The following XK variants were observed in gnomAD, a reference collection of about 807,000 sequenced individuals.
The protein encoded by XK is X-linked Kx blood group antigen, Kell and VPS13A binding protein, also known as endoplasmic reticulum membrane adapter protein XK.
XK carries 2 observed loss-of-function variants against 14.0 expected under a neutral mutation model. That is an observed-to-expected ratio of 0.14 (90% CI 0.06 to 0.45). The LOEUF is 0.45. XK is among the 20% of genes least tolerant of loss of function. XK has a pLI of 0.98. For missense variants in XK, 235 were observed against 341.5 expected (o/e 0.69, Z 2.46); for synonymous variants, 149 against 147.5 (o/e 1.01, Z -0.08).
chrX:37,707,425 C>T (rs1324384707), intron 2 of XK, among the ~76,000 whole-genome samples: 2 of 104,322 alleles, frequency 1.9e-5, no homozygotes, highest in South Asian at 4.6e-4. Context: ...GGCTGCCGGG[C>T]GCAGGGGCTC....
Position 37,728,150 on chromosome X carries a change from C to T in XK, c.1023C>T (p.Asp341=), listed in dbSNP as rs782637458. ...LLLLWYLFKT[D]IYMYVCAPLL... is the part of the protein sequence containing the mutation. ...TCCTGTGGTATCTTTTCAAGACTGA[C>T]ATCTATATGTATGTGTGCGCACCTC... The change falls in exon 3 of 3, where the codon GAC becomes GAT. Residue 341 remains aspartate (D), a synonymous_variant. Transcript: ENST00000378616. 1.7e-6 allele frequency: 2 copies of T among 1,211,422 alleles called. No individual in the cohort carries two copies. The highest frequency in any genetic ancestry group is 3.5e-5 in the South Asian group (2 of 56,975).
intron 2 of XK, among the ~76,000 whole-genome samples, chrX:37,711,492 A>C (rs1927665424): frequency 8.9e-6 from 1 of 112,638 alleles, no homozygotes; most frequent in African/African-American, 3.2e-5. Context: ...ATAAGACTTC[A>C]GCCTCTCTGT....
At chrX:37,691,360 G>A (rs1305269488) in intron 1 of XK, among the ~76,000 whole-genome samples, 2 of 112,808 alleles carry the variant, frequency 1.8e-5, no homozygotes, top group Non-Finnish European at 3.7e-5. Flanking sequence ...TGAAATGACA[G>A]AAGAGCAGAA....
intron 2 of XK, among the ~76,000 whole-genome samples, chrX:37,717,844 C>T (rs1344941542): frequency 3.6e-5 from 4 of 111,752 alleles, no homozygotes; most frequent in African/African-American, 1.3e-4. Flanking sequence ...ACTAGGGTAT[C>T]ATACTGGTTA....
intron 2 of XK, among the ~76,000 whole-genome samples, chrX:37,712,740 C>T (rs1927691388): frequency 9.0e-6 from 1 of 111,713 alleles, no homozygotes; most frequent in South Asian, 3.7e-4. Context: ...GCACATATGA[C>T]CACTCAATGT....
In XK at chrX:37,686,230, G is replaced by A; in HGVS notation, c.245+24G>A. On this transcript the variant is annotated intron_variant, in intron 1 of 2. Coordinates refer to ENST00000378616, the MANE Select transcript of XK (RefSeq NM_021083.4). ...AGGTGCGTGCAGAAGCCCAGAGCCA[G>A]CCCCAGGCCGCAGCCTCGGTCCTGT... 3 of 1,201,256 alleles carry A rather than the reference G, an allele frequency of 2.5e-6. No individual in the cohort carries two copies. The African/African-American group carries it at 5.2e-5, about 21-fold the overall frequency.
chrX:37,712,038 T>C (rs782810692), intron 2 of XK, among the ~76,000 whole-genome samples: 1 of 111,654 alleles, frequency 9.0e-6, no homozygotes, highest in African/African-American at 3.3e-5. Context: ...CGATAGGGTG[T>C]TTGAATTAGT....
intron 2 of XK, among the ~76,000 whole-genome samples, chrX:37,719,860 T>C (rs1927835226): frequency 9.0e-6 from 1 of 111,074 alleles, no homozygotes; most frequent in East Asian, 2.8e-4. Flanking sequence ...TGCCAGGTAT[T>C]TGTAAGAAAA....
chrX:37,707,161 G>C (rs1472321898), intron 2 of XK, among the ~76,000 whole-genome samples: 4 of 112,533 alleles, frequency 3.6e-5, no homozygotes, highest in East Asian at 2.8e-4. Context: ...CCTCCCAGAC[G>C]GGGTGGTGGC....
chrX:37,685,793 A>G lies in XK; in HGVS notation c.-169A>G. On this transcript the variant is annotated 5_prime_UTR_variant, in exon 1 of 3. Coordinates refer to ENST00000378616, the MANE Select transcript of XK (RefSeq NM_021083.4). ...CCGCCCCCACCAGGTCCAGTTCCAG[A>G]GCCCAGGCCGGTCGGCCGGGCCCGC... The G allele has an allele frequency of 7.2e-6, 2 of 279,065 alleles. No individual in the cohort carries two copies. Among genetic ancestry groups the G allele is most frequent in the Non-Finnish European group, 1.1e-5 (2 of 187,096 alleles). The allele number at this position is 279,065 out of a possible 1,213,427, so 23.0% of individuals were successfully genotyped here.
At chrX:37,686,288 A>T in intron 1 of XK, 82 bp downstream of exon 1, 1 of 1,160,862 alleles carries the variant, frequency 8.6e-7, no homozygotes, top group South Asian at 1.9e-5. Context: ...GAGTGGAGGG[A>T]GGCGGTTTTC....
At chrX:37,694,586 C>A in intron 2 of XK, 38 bp downstream of exon 2, 5 of 1,175,076 alleles carry the variant, frequency 4.3e-6, no homozygotes, top group Non-Finnish European at 5.7e-6. Context: ...ATTTGGGGAT[C>A]AAAATGAGAA....
rs1927068870 is a variant in XK at position 37,686,144 on chromosome X, C to T, written c.183C>T (p.Asp61=). Residue 61 remains aspartate (D), a synonymous_variant, in exon 1 of 3, where the codon GAC becomes GAT. Coordinates refer to ENST00000378616, the MANE Select transcript of XK (RefSeq NM_021083.4). ...VQLTLLFVHR[D]LSRDRPLVLL... is the part of the protein sequence containing the mutation. ...TCACGCTTCTCTTCGTACACCGCGA[C>T]CTCAGCCGCGACCGCCCGCTCGTAC... The T allele has an allele frequency of 8.3e-7, 1 of 1,209,763 alleles. No individual in the cohort carries two copies. The highest frequency in any genetic ancestry group is 1.8e-5 in the South Asian group (1 of 56,405).
chrX:37,688,104 A>G (rs1349787276), intron 1 of XK, among the ~76,000 whole-genome samples: 1 of 86,965 alleles, frequency 1.1e-5, no homozygotes, highest in Non-Finnish European at 2.1e-5. Flanking sequence ...TCTGTCGCCC[A>G]GGCTGGAGTG....
chrX:37,727,256 G>A (rs782258355), intron 2 of XK, among the ~76,000 whole-genome samples: 1 of 111,562 alleles, frequency 9.0e-6, no homozygotes, highest in Admixed American at 9.5e-5. Context: ...ATCACCATGC[G>A]TGACTAGAAG....
At chrX:37,686,483 T>A (rs1569472209) in intron 1 of XK, among the ~76,000 whole-genome samples, 1 of 112,273 alleles carries the variant, frequency 8.9e-6, no homozygotes, top group Non-Finnish European at 1.9e-5. Context: ...AATGGCAGTT[T>A]CTTGTGGTTC....
In XK at chrX:37,728,521, C is replaced by T; in HGVS notation, c.*59C>T. The T allele has an allele frequency of 9.0e-7, 1 of 1,109,765 alleles. No individual in the cohort carries two copies. Among genetic ancestry groups the T allele is most frequent in the Non-Finnish European group, 1.2e-6 (1 of 813,070 alleles). 91.5% of individuals were successfully genotyped at this position (1,109,765 alleles called of 1,213,427 possible). A position where few individuals can be genotyped will look rare whatever the true frequency, so the allele number is the denominator to read the frequency against. On this transcript the variant is annotated 3_prime_UTR_variant, in exon 3 of 3. Transcript: ENST00000378616. ...TTTTCTGGGTTTGATACTCGTTATT[C>T]ATACAAATAATGAGCCCTACACAGG...
chrX:37,704,607 A>G (rs782020312), intron 2 of XK, among the ~76,000 whole-genome samples: 1 of 111,406 alleles, frequency 9.0e-6, no homozygotes, highest in African/African-American at 3.3e-5. Flanking sequence ...AGGCCAAGGC[A>G]GGTGGATAGC....
In XK at chrX:37,728,560, A is replaced by T. The variant is rs1928025493; in HGVS notation, c.*98A>T. Reference sequence around the variant, plus strand: ...GCCCTACACAGGGAACAAGGCAGGAAGTTAGCTGTTAACTCCTTGTGAGCT... The same window carrying T: ...GCCCTACACAGGGAACAAGGCAGGATGTTAGCTGTTAACTCCTTGTGAGCT... On this transcript the variant is annotated 3_prime_UTR_variant, in exon 3 of 3. Transcript: ENST00000378616. 1.1e-6 allele frequency: 1 copy of T among 899,953 alleles called. No homozygotes were observed. Among genetic ancestry groups the T allele is most frequent in the African/African-American group, 1.9e-5 (1 of 51,519 alleles). The allele number at this position is 899,953 out of a possible 1,213,427, so 74.2% of individuals were successfully genotyped here.
Sources: allele counts gnomAD v4.1 joint callset (sites outside exome capture counted in the v4.1 genomes callset), GRCh38; gene constraint gnomAD v4.1.1; transcripts MANE v1.5; gene names NCBI Gene and HGNC (gene_info 2026-07-23, HGNC 2026-07-21).